NCAM2: variants seen among roughly 807,000 people sequenced by gnomAD.
NCAM2 encodes neural cell adhesion molecule 2, also known as N-CAM-2.
Under a neutral mutation model 98.1 loss-of-function variants are expected in NCAM2, and 30 were observed. That is an observed-to-expected ratio of 0.31 (90% CI 0.23 to 0.41). The LOEUF (loss-of-function observed/expected upper bound fraction) is 0.41. NCAM2 is among the 10% of genes least tolerant of loss of function. The pLI is 1.00. For synonymous variants in NCAM2, 368 were observed against 342.4 expected, an observed-to-expected ratio of 1.07 and a Z score of -0.83; for missense variants, 867 against 1,005.8, an observed-to-expected ratio of 0.86 and a Z score of 1.87.
At chr21:21,289,535 G>A (rs2073218957) in intron 4 of NCAM2, among the ~76,000 whole-genome samples, 1 of 151,884 alleles carries the variant, frequency 6.6e-6, no homozygotes, top group African/African-American at 2.4e-5. Context: ...TTCAGGAAGA[G>A]GGAAGACCAT....
intron 1 of NCAM2, among the ~76,000 whole-genome samples, chr21:21,129,219 C>A (rs1427306544): frequency 6.6e-6 from 1 of 152,004 alleles, no homozygotes; most frequent in Non-Finnish European, 1.5e-5. Flanking sequence ...TACAGACTTA[C>A]CTTTATCAAA....
At chr21:21,457,304 TATGAC>T (rs1982291100) in intron 12 of NCAM2, among the ~76,000 whole-genome samples, 1 of 152,034 alleles carries the variant, frequency 6.6e-6, no homozygotes, top group South Asian at 2.1e-4. Context: ...AGACAAAAAT[TATGAC>T]ATGTGTTGGA....
intron 1 of NCAM2, among the ~76,000 whole-genome samples, chr21:21,057,762 T>C (rs1276979957): frequency 6.6e-6 from 1 of 152,120 alleles, no homozygotes; most frequent in Non-Finnish European, 1.5e-5. Flanking sequence ...CGCTATTGAC[T>C]AGCTAAAACG....
At chr21:21,407,404 A>C (rs919307070) in intron 9 of NCAM2, among the ~76,000 whole-genome samples, 3 of 152,198 alleles carry the variant, frequency 2.0e-5, no homozygotes, top group African/African-American at 7.2e-5. Context: ...AACACTGATA[A>C]TTCTGAGTAA....
chr21:21,508,583 T>A (rs1486654838), intron 15 of NCAM2, among the ~76,000 whole-genome samples: 1 of 151,786 alleles, frequency 6.6e-6, no homozygotes, highest in Non-Finnish European at 1.5e-5. Flanking sequence ...CACTTTTTCT[T>A]TGTTAATAAA....
chr21:21,542,815 G>A lies in NCAM2; in HGVS notation c.*4858G>A, dbSNP rs1990284972. 6.6e-6 allele frequency: 1 copy of A among 151,866 alleles called. No individual in the cohort carries two copies. Among genetic ancestry groups the A allele is most frequent in the Non-Finnish European group, 1.5e-5 (1 of 67,878 alleles). 9.4% of individuals were successfully genotyped at this position (151,866 alleles called of 1,614,324 possible). On this transcript the variant is annotated 3_prime_UTR_variant, in exon 18 of 18. Coordinates refer to ENST00000400546, the MANE Select transcript of NCAM2 (RefSeq NM_004540.5). ...GCGAAGGAGAAAACAGTGTAACACA[G>A]AGGAGAAAGTTAACAGAGATAGAAT...
intron 1 of NCAM2, among the ~76,000 whole-genome samples, chr21:21,064,568 A>C (rs887495781): frequency 6.6e-6 from 1 of 152,124 alleles, no homozygotes; most frequent in African/African-American, 2.4e-5. Context: ...CATTCTAGGA[A>C]TTGCTGTGGG....
At chr21:21,065,971 T>A (rs1490748043) in intron 1 of NCAM2, among the ~76,000 whole-genome samples, 1 of 152,192 alleles carries the variant, frequency 6.6e-6, no homozygotes, top group Admixed American at 6.5e-5. Context: ...CCTCATTAAA[T>A]AGGTATATGC....
At chr21:21,398,887 A>C (rs915622313) in intron 9 of NCAM2, among the ~76,000 whole-genome samples, 1 of 152,236 alleles carries the variant, frequency 6.6e-6, no homozygotes, top group Non-Finnish European at 1.5e-5. Flanking sequence ...AAAGCCAAAC[A>C]TGAGAGATGA....
chr21:21,379,551 T>C (rs947066013), intron 9 of NCAM2, among the ~76,000 whole-genome samples: 2 of 152,134 alleles, frequency 1.3e-5, no homozygotes, highest in Admixed American at 1.3e-4. Flanking sequence ...CTTTCAGATA[T>C]TTGGATTTTT....
At chr21:21,292,879 A>T (rs7279930) in intron 5 of NCAM2, among the ~76,000 whole-genome samples, 34 of 151,538 alleles carry the variant, frequency 2.2e-4, no homozygotes, top group Admixed American at 5.9e-4. Context: ...ATTGACTCAC[A>T]GTTCCAAGTG....
intron 9 of NCAM2, among the ~76,000 whole-genome samples, chr21:21,387,628 A>G (rs553130799): frequency 6.6e-6 from 1 of 152,252 alleles, no homozygotes; most frequent in Non-Finnish European, 1.5e-5. Flanking sequence ...TTAAATTACC[A>G]AGTTTCAATT....
intron 8 of NCAM2, among the ~76,000 whole-genome samples, chr21:21,370,795 C>T (rs548010728): frequency 2.0e-5 from 3 of 151,924 alleles, no homozygotes; most frequent in Middle Eastern, 3.4e-3. Flanking sequence ...CTAGCCTCAG[C>T]CTCATAGTGA....
chr21:21,385,527 A>C (rs1342937109), intron 9 of NCAM2: 1 of 610,508 alleles, frequency 1.6e-6, no homozygotes, highest in Admixed American at 2.5e-5. Flanking sequence ...TAGAAGCCGC[A>C]TTTACTGTAA....
chr21:21,122,626 C>G (rs2066698800), intron 1 of NCAM2, among the ~76,000 whole-genome samples: 1 of 152,156 alleles, frequency 6.6e-6, no homozygotes, highest in South Asian at 2.1e-4. Flanking sequence ...GGTGGGTTGA[C>G]TGGAAGCTGG....
intron 1 of NCAM2, among the ~76,000 whole-genome samples, chr21:21,049,762 T>C (rs1457864106): frequency 1.3e-5 from 2 of 151,840 alleles, no homozygotes; most frequent in African/African-American, 4.8e-5. Context: ...TCCCAGCTAC[T>C]CAGGAGGCTG....
intron 1 of NCAM2, among the ~76,000 whole-genome samples, chr21:21,132,095 A>T (rs1228167845): frequency 6.6e-6 from 1 of 152,116 alleles, no homozygotes; most frequent in Admixed American, 6.5e-5. Context: ...AGGTTCTAGG[A>T]GTTTCCCGCA....
intron 10 of NCAM2, among the ~76,000 whole-genome samples, chr21:21,416,594 A>G (rs1010019606): frequency 6.6e-6 from 1 of 152,152 alleles, no homozygotes; most frequent in African/African-American, 2.4e-5. Context: ...ATGAAGAAAT[A>G]GTTTTATCAG....
chr21:21,511,340 AGTT>A (rs1175101753), intron 16 of NCAM2, among the ~76,000 whole-genome samples: 3 of 151,812 alleles, frequency 2.0e-5, no homozygotes, highest in Non-Finnish European at 4.4e-5. Context: ...CATGAGTTTA[AGTT>A]GTTGTTGTTG....
Sources: allele counts gnomAD v4.1 joint callset (sites outside exome capture counted in the v4.1 genomes callset), GRCh38; gene constraint gnomAD v4.1.1; transcripts MANE v1.5; gene names NCBI Gene and HGNC (gene_info 2026-07-23, HGNC 2026-07-21).